SH3BGRL2: variants seen among roughly 807,000 people sequenced by gnomAD.
The protein encoded by SH3BGRL2 is SH3 domain binding glutamate rich protein like 2.
In SH3BGRL2, 21 loss-of-function variants were observed where a neutral mutation model predicts 14.8. That is an observed-to-expected ratio of 1.42 (90% CI 1.01 to 2.05). The LOEUF (loss-of-function observed/expected upper bound fraction) is 2.05. SH3BGRL2 is among the 30% of genes most tolerant of loss of function. The probability of loss-of-function intolerance (pLI) is 0.00; values close to 1 mark genes in which losing one functional copy is unlikely to be tolerated. For synonymous variants in SH3BGRL2, 50 were observed against 47.8 expected (o/e 1.05, Z -0.19); for missense variants, 147 against 130.8 (o/e 1.12, Z -0.61).
intron 1 of SH3BGRL2, among the ~76,000 whole-genome samples, chr6:79,654,212 A>G (rs1769359136): frequency 6.6e-6 from 1 of 152,182 alleles, no homozygotes; most frequent in South Asian, 2.1e-4. Flanking sequence ...TTACAATCCT[A>G]TTTTATTCAT....
the SH3BGRL2 span, among the ~76,000 whole-genome samples, chr6:79,563,354 C>G: frequency 6.6e-6 from 1 of 151,876 alleles, no homozygotes; most frequent in South Asian, 2.1e-4. Flanking sequence ...CTCGTTAACC[C>G]CCCCGCCTCG....
chr6:79,654,869 G>T lies in SH3BGRL2; in HGVS notation c.46-18745G>T, dbSNP rs796523917. On this transcript the variant is annotated intron_variant, in intron 1 of 3. Coordinates refer to ENST00000369838, the MANE Select transcript of SH3BGRL2 (RefSeq NM_031469.4). Reference sequence around the variant, plus strand: ...CAGATATCTGATTCTATTATGGCTTGCCCTGGGAATCTGTCTGAGAACACT... The same window carrying T: ...CAGATATCTGATTCTATTATGGCTTTCCCTGGGAATCTGTCTGAGAACACT... 6.8e-3 allele frequency among the ~76,000 whole-genome samples: 1,031 copies of T among 152,174 alleles called. 15 individuals carry two copies. The highest frequency in any genetic ancestry group is 0.023 in the African/African-American group (957 of 41,532).
chr6:79,556,147 T>G, the SH3BGRL2 span, among the ~76,000 whole-genome samples: 3 of 152,004 alleles, frequency 2.0e-5, no homozygotes, highest in Non-Finnish European at 2.9e-5. Context: ...AAGGAAACAT[T>G]CTAAAATTAA....
the SH3BGRL2 span, among the ~76,000 whole-genome samples, chr6:79,586,754 C>T: frequency 6.6e-6 from 1 of 152,218 alleles, no homozygotes; most frequent in Admixed American, 6.5e-5. Flanking sequence ...AAAGGAAATT[C>T]TCCCTTGTGG....
At chr6:79,554,990 A>G in the SH3BGRL2 span, among the ~76,000 whole-genome samples, 2 of 152,126 alleles carry the variant, frequency 1.3e-5, no homozygotes, top group African/African-American at 2.4e-5. Context: ...AAAATAAAAG[A>G]TATTTTCTTC....
At chr6:79,645,033 G>A (rs1229659892) in intron 1 of SH3BGRL2, among the ~76,000 whole-genome samples, 5 of 151,626 alleles carry the variant, frequency 3.3e-5, no homozygotes, top group African/African-American at 1.2e-4. Flanking sequence ...GCTGGCAGTC[G>A]CCTGTAATCC....
the SH3BGRL2 span, among the ~76,000 whole-genome samples, chr6:79,587,450 A>G: frequency 2.1e-4 from 32 of 152,302 alleles, no homozygotes; most frequent in African/African-American, 6.7e-4. Flanking sequence ...ATGAGGCTGC[A>G]AGGGTCAGTG....
chr6:79,693,699 G>A (rs567387804), intron 2 of SH3BGRL2, among the ~76,000 whole-genome samples: 1 of 152,298 alleles, frequency 6.6e-6, no homozygotes, highest in East Asian at 1.9e-4. Context: ...TGCATCCCAG[G>A]GATGAAGCCC....
At chr6:79,640,646 C>A (rs1241278641) in intron 1 of SH3BGRL2, among the ~76,000 whole-genome samples, 2 of 151,746 alleles carry the variant, frequency 1.3e-5, no homozygotes. Context: ...GGAGCTGACC[C>A]CTGAAGTGGA....
chr6:79,593,602 CA>C, the SH3BGRL2 span, among the ~76,000 whole-genome samples: 1 of 152,152 alleles, frequency 6.6e-6, no homozygotes, highest in Admixed American at 6.6e-5. Flanking sequence ...GGAAGCCAGT[CA>C]ATTTCCATCC....
the SH3BGRL2 span, among the ~76,000 whole-genome samples, chr6:79,549,571 A>G: frequency 6.6e-6 from 1 of 152,204 alleles, no homozygotes; most frequent in Non-Finnish European, 1.5e-5. Context: ...GTATAGTAAC[A>G]TGCTGTACAA....
the SH3BGRL2 span, among the ~76,000 whole-genome samples, chr6:79,604,530 G>A: frequency 2.6e-5 from 4 of 152,148 alleles, no homozygotes; most frequent in Non-Finnish European, 5.9e-5. Context: ...ATGATCCCTT[G>A]CCAGAAGACT....
At chr6:79,570,871 A>G in the SH3BGRL2 span, among the ~76,000 whole-genome samples, 3 of 152,232 alleles carry the variant, frequency 2.0e-5, no homozygotes, top group Non-Finnish European at 4.4e-5. Context: ...TAACTGCTTT[A>G]CATATTGCTA....
At chr6:79,644,934 C>T (rs974746479) in intron 1 of SH3BGRL2, among the ~76,000 whole-genome samples, 4 of 151,850 alleles carry the variant, frequency 2.6e-5, no homozygotes, top group Non-Finnish European at 5.9e-5. Flanking sequence ...CCGAGATGGG[C>T]GGATCACCAG....
At chr6:79,594,017 C>T in the SH3BGRL2 span, among the ~76,000 whole-genome samples, 1 of 116,638 alleles carries the variant, frequency 8.6e-6, no homozygotes, top group Non-Finnish European at 1.8e-5. Context: ...AAGAGCCAGA[C>T]TCTGTCTCAA....
At chr6:79,599,864 A>G in the SH3BGRL2 span, among the ~76,000 whole-genome samples, 1 of 152,184 alleles carries the variant, frequency 6.6e-6, no homozygotes, top group South Asian at 2.1e-4. Context: ...GTTTGTTTTT[A>G]TTCAATTGGT....
chr6:79,660,977 G>C (rs1769534369), intron 1 of SH3BGRL2, among the ~76,000 whole-genome samples: 1 of 152,174 alleles, frequency 6.6e-6, no homozygotes, highest in African/African-American at 2.4e-5. Flanking sequence ...TGTGGGATCA[G>C]TGGTAATATA....
chr6:79,656,086 GT>G (rs1769408805), intron 1 of SH3BGRL2, among the ~76,000 whole-genome samples: 1 of 152,342 alleles, frequency 6.6e-6, no homozygotes, highest in African/African-American at 2.4e-5. Flanking sequence ...TCTAATTTAG[GT>G]TTTTTAAAGA....
chr6:79,595,762 A>G, the SH3BGRL2 span, among the ~76,000 whole-genome samples: 1 of 152,214 alleles, frequency 6.6e-6, no homozygotes, highest in South Asian at 2.1e-4. Flanking sequence ...CATCAGGAAC[A>G]AGAAAAGAAT....
Sources: gnomAD v4.1 joint callset for allele counts (sites outside exome capture counted in the v4.1 genomes callset) on GRCh38, gnomAD v4.1.1 for gene constraint, MANE v1.5 for transcripts, NCBI Gene and HGNC (gene_info 2026-07-23, HGNC 2026-07-21) for gene names.